AOAH: variants seen among roughly 807,000 people sequenced by gnomAD.
AOAH encodes the protein acyloxyacyl hydrolase, also known as acyloxyacyl hydrolase (neutrophil).
Under a neutral mutation model 92.2 loss-of-function variants are expected in AOAH, and 64 were observed. That is an observed-to-expected ratio of 0.69 (90% confidence interval 0.57 to 0.86). AOAH has a LOEUF of 0.86. Ranked by LOEUF, AOAH falls within the 40% of genes least tolerant of loss-of-function variation. AOAH has a pLI of 0.00. For synonymous variants in AOAH, 263 were observed against 254.5 expected, an observed-to-expected ratio of 1.03 and a Z score of -0.32; for missense variants, 656 against 694.6, an observed-to-expected ratio of 0.94 and a Z score of 0.62.
chr7:36,601,762 G>A (rs1562609563), intron 11 of AOAH, among the ~76,000 whole-genome samples: 4 of 152,194 alleles, frequency 2.6e-5, no homozygotes, highest in Non-Finnish European at 5.9e-5. Context: ...GAGTCTTGAA[G>A]GAAGTCTTAT....
At chr7:36,681,121 T>C (rs1796618035) in intron 2 of AOAH, among the ~76,000 whole-genome samples, 1 of 152,258 alleles carries the variant, frequency 6.6e-6, no homozygotes, top group African/African-American at 2.4e-5. Context: ...CTGCCAATGC[T>C]GTCTATCACA....
chr7:36,660,155 C>G (rs191600976), intron 3 of AOAH, among the ~76,000 whole-genome samples: 1 of 152,204 alleles, frequency 6.6e-6, no homozygotes. Context: ...CATCTCCCTT[C>G]GCTGACTGTC....
At chr7:36,561,104 G>A (rs930435101) in intron 13 of AOAH, among the ~76,000 whole-genome samples, 86 of 150,280 alleles carry the variant, frequency 5.7e-4, no homozygotes, top group Non-Finnish European at 2.2e-4. Context: ...GTGCAGTGGC[G>A]GATCTTGGCT....
chr7:36,661,843 A>G (rs147292447), intron 3 of AOAH, among the ~76,000 whole-genome samples: 18 of 152,252 alleles, frequency 1.2e-4, no homozygotes, highest in African/African-American at 3.4e-4. Flanking sequence ...CACAGACTCA[A>G]TTGGGTTTGG....
At chr7:36,663,508 T>A (rs551604410) in intron 3 of AOAH, among the ~76,000 whole-genome samples, 1 of 152,342 alleles carries the variant, frequency 6.6e-6, no homozygotes, top group South Asian at 2.1e-4. Context: ...ACCACGGATA[T>A]CTTTGTAGTC....
chr7:36,648,037 G>A (rs1382097470), intron 4 of AOAH, among the ~76,000 whole-genome samples: 1 of 152,018 alleles, frequency 6.6e-6, no homozygotes, highest in Non-Finnish European at 1.5e-5. Flanking sequence ...TCACCATGTT[G>A]GCCAGGCTGG....
chr7:36,678,092 T>A (rs1381168218), intron 2 of AOAH, among the ~76,000 whole-genome samples: 1 of 152,198 alleles, frequency 6.6e-6, no homozygotes, highest in Non-Finnish European at 1.5e-5. Context: ...TTTAAATGAG[T>A]GAACTGTACA....
intron 5 of AOAH, among the ~76,000 whole-genome samples, chr7:36,637,123 C>A (rs548728492): frequency 2.6e-5 from 4 of 152,082 alleles, no homozygotes; most frequent in African/African-American, 7.2e-5. Flanking sequence ...CGTAAGCCTG[C>A]GAGAACTGAT....
At chr7:36,680,394 G>C (rs2116717545) in intron 2 of AOAH, among the ~76,000 whole-genome samples, 1 of 152,296 alleles carries the variant, frequency 6.6e-6, no homozygotes, top group East Asian at 1.9e-4. Flanking sequence ...TTTGTTTTTT[G>C]TACTTTTTTA....
chr7:36,604,112 G>C (rs938962808), intron 11 of AOAH, among the ~76,000 whole-genome samples: 2 of 152,136 alleles, frequency 1.3e-5, no homozygotes, highest in East Asian at 1.9e-4. Context: ...TCTTTTATAA[G>C]AGTACCAATC....
intron 20 of AOAH, chr7:36,514,591 CT>C: frequency 6.5e-7 from 1 of 1,534,510 alleles, no homozygotes; most frequent in Non-Finnish European, 8.7e-7. Context: ...TGCTCTTTCT[CT>C]GCAAACAATG....
At chr7:36,638,522 T>C (rs1562647478) in intron 4 of AOAH, among the ~76,000 whole-genome samples, 2 of 152,124 alleles carry the variant, frequency 1.3e-5, no homozygotes, top group Non-Finnish European at 2.9e-5. Context: ...GTTAGCTCAT[T>C]ACTACCAGTA....
At chr7:36,711,713 T>C (rs1798780590) in intron 1 of AOAH, among the ~76,000 whole-genome samples, 1 of 152,072 alleles carries the variant, frequency 6.6e-6, no homozygotes, top group South Asian at 2.1e-4. Context: ...AGAATGAGGG[T>C]GGTCCAGCTA....
intron 2 of AOAH, among the ~76,000 whole-genome samples, chr7:36,685,570 C>T (rs1163224088): frequency 1.3e-5 from 2 of 152,182 alleles, no homozygotes; most frequent in East Asian, 3.9e-4. Flanking sequence ...AACAATATTA[C>T]ACATTATTCA....
At chr7:36,694,960 A>AG (rs1261716487) in intron 1 of AOAH, among the ~76,000 whole-genome samples, 2 of 139,216 alleles carry the variant, frequency 1.4e-5, no homozygotes, top group Non-Finnish European at 3.1e-5. Flanking sequence ...GAGAGAGAGA[A>AG]ATAATTTTAC....
intron 19 of AOAH, among the ~76,000 whole-genome samples, chr7:36,524,335 CAT>C (rs1485228189): frequency 6.6e-6 from 1 of 151,910 alleles, no homozygotes; most frequent in Non-Finnish European, 1.5e-5. Context: ...GAGCCCCCAT[CAT>C]GGAATTCATG....
chr7:36,546,980 CAG>C (rs1182814280), intron 15 of AOAH, among the ~76,000 whole-genome samples: 1 of 152,202 alleles, frequency 6.6e-6, no homozygotes, highest in Non-Finnish European at 1.5e-5. Context: ...GGACTATAGA[CAG>C]GGAATGGAAT....
chr7:36,678,609 G>C (rs915525271), intron 2 of AOAH, among the ~76,000 whole-genome samples: 13 of 98,288 alleles, frequency 1.3e-4, no homozygotes, highest in Non-Finnish European at 2.2e-4. Flanking sequence ...GTGCGCGCGC[G>C]CGCGCGTTAG....
intron 4 of AOAH, among the ~76,000 whole-genome samples, chr7:36,645,911 G>A (rs2116395073): frequency 6.6e-6 from 1 of 151,918 alleles, no homozygotes; most frequent in Middle Eastern, 3.4e-3. Context: ...CCTGCTTCTA[G>A]GCTAATTTTG....
Sources: gnomAD v4.1 joint callset for allele counts (sites outside exome capture counted in the v4.1 genomes callset) on GRCh38, gnomAD v4.1.1 for gene constraint, MANE v1.5 for transcripts, NCBI Gene and HGNC (gene_info 2026-07-23, HGNC 2026-07-21) for gene names.